Variants in TRIM44 observed in about 807,000 individuals in gnomAD.
TRIM44 encodes tripartite motif-containing protein 44.
A neutral mutation model predicts 37.4 loss-of-function variants in TRIM44; 13 were observed. The observed-to-expected ratio is 0.35, with a 90% CI of 0.23 to 0.55. The LOEUF (loss-of-function observed/expected upper bound fraction) is 0.55, where lower values mean the gene tolerates loss of function less well. Ranked by LOEUF, TRIM44 falls within the 20% of genes least tolerant of loss-of-function variation. The pLI is 0.89. For missense variants in TRIM44, 426 were observed against 437.2 expected (o/e 0.97, Z 0.23); for synonymous variants, 175 against 157.2 (o/e 1.11, Z -0.85).
chr11:35,731,404 A>G (rs1852257499), intron 3 of TRIM44, among the ~76,000 whole-genome samples: 1 of 152,138 alleles, frequency 6.6e-6, no homozygotes, highest in Admixed American at 6.5e-5. Flanking sequence ...ACAATATTAA[A>G]CTAACCTTGC....
chr11:35,711,830 T>G (rs1258150869), intron 2 of TRIM44, among the ~76,000 whole-genome samples: 1 of 152,108 alleles, frequency 6.6e-6, no homozygotes, highest in Non-Finnish European at 1.5e-5. Context: ...AACCCTTACT[T>G]CCAGCAGAAG....
intron 2 of TRIM44, among the ~76,000 whole-genome samples, chr11:35,696,468 C>T (rs1851700024): frequency 6.6e-6 from 1 of 151,796 alleles, no homozygotes; most frequent in African/African-American, 2.4e-5. Flanking sequence ...AAGCTAAAAC[C>T]TTTACTCACT....
intron 4 of TRIM44, among the ~76,000 whole-genome samples, chr11:35,794,490 A>G (rs1204751098): frequency 1.3e-5 from 2 of 152,196 alleles, no homozygotes; most frequent in Admixed American, 1.3e-4. Context: ...TTGTCACTGT[A>G]ACAGTATTCC....
At chr11:35,668,378 A>G (rs940473078) in intron 1 of TRIM44, among the ~76,000 whole-genome samples, 4 of 152,062 alleles carry the variant, frequency 2.6e-5, no homozygotes, top group South Asian at 2.1e-4. Flanking sequence ...CCCCCTATCC[A>G]CTGACAGGCT....
At chr11:35,759,951 A>C (rs966632918) in intron 4 of TRIM44, among the ~76,000 whole-genome samples, 1 of 152,142 alleles carries the variant, frequency 6.6e-6, no homozygotes, top group Non-Finnish European at 1.5e-5. Flanking sequence ...TCAGGGACCC[A>C]CTTGAGGCAG....
At chr11:35,714,324 C>G (rs1029284066) in intron 2 of TRIM44, among the ~76,000 whole-genome samples, 1 of 152,104 alleles carries the variant, frequency 6.6e-6, no homozygotes, top group Non-Finnish European at 1.5e-5. Context: ...AGAAAAATAT[C>G]TATGAGAATG....
At chr11:35,695,778 C>T (rs1851689137) in intron 2 of TRIM44, among the ~76,000 whole-genome samples, 1 of 151,850 alleles carries the variant, frequency 6.6e-6, no homozygotes, top group African/African-American at 2.4e-5. Context: ...ATAATAACCA[C>T]AGTTATGATT....
intron 4 of TRIM44, among the ~76,000 whole-genome samples, chr11:35,741,698 C>G (rs1852398654): frequency 6.6e-6 from 1 of 152,108 alleles, no homozygotes; most frequent in African/African-American, 2.4e-5. Flanking sequence ...TATATTTGGC[C>G]TCGGAACTTA....
intron 3 of TRIM44, among the ~76,000 whole-genome samples, chr11:35,727,215 A>G (rs891525053): frequency 2.0e-5 from 3 of 152,092 alleles, no homozygotes; most frequent in African/African-American, 7.2e-5. Flanking sequence ...GGCTACTATT[A>G]ATCAGATTTC....
Position 35,806,763 on chromosome 11 carries a change from C to T in TRIM44, c.*378C>T, listed in dbSNP as rs1853457117. The T allele has an allele frequency of 1.1e-5, 2 of 187,124 alleles. No individual in the cohort carries two copies. Among genetic ancestry groups the T allele is most frequent in the African/African-American group, 2.3e-5 (1 of 42,712 alleles). 11.6% of individuals were successfully genotyped at this position (187,124 alleles called of 1,614,324 possible). ...ATCTGGAATAATCTTGAAGGGAAGT[C>T]AGAGTTTTCTCCCTGCCTATTAACA... On this transcript the variant is annotated 3_prime_UTR_variant, in exon 5 of 5. Transcript: ENST00000299413.
intron 2 of TRIM44, among the ~76,000 whole-genome samples, chr11:35,712,840 A>G (rs1485951580): frequency 2.6e-5 from 4 of 152,126 alleles, no homozygotes; most frequent in African/African-American, 9.7e-5. Context: ...CCTAGATATA[A>G]AACTTTATTG....
intron 2 of TRIM44, among the ~76,000 whole-genome samples, chr11:35,718,249 A>G (rs1320268223): frequency 6.6e-6 from 1 of 152,120 alleles, no homozygotes; most frequent in Non-Finnish European, 1.5e-5. Flanking sequence ...TATAAGGTTT[A>G]AGCAGAATTA....
At chr11:35,729,473 C>T (rs958293788) in intron 3 of TRIM44, among the ~76,000 whole-genome samples, 3 of 152,080 alleles carry the variant, frequency 2.0e-5, no homozygotes, top group African/African-American at 7.2e-5. Flanking sequence ...AGTACCTCTT[C>T]GTTTTGGAGA....
chr11:35,669,093 G>T (rs985653788), intron 1 of TRIM44, among the ~76,000 whole-genome samples: 2 of 152,088 alleles, frequency 1.3e-5, no homozygotes, highest in African/African-American at 4.8e-5. Flanking sequence ...GCTGGGTTCT[G>T]TGTAGCTGTG....
chr11:35,756,361 C>T (rs1462034745), intron 4 of TRIM44, among the ~76,000 whole-genome samples: 1 of 152,074 alleles, frequency 6.6e-6, no homozygotes, highest in Non-Finnish European at 1.5e-5. Context: ...ATTTTGTATC[C>T]TGAGACTTTG....
At chr11:35,774,663 TC>T (rs1852926604) in intron 4 of TRIM44, among the ~76,000 whole-genome samples, 1 of 152,222 alleles carries the variant, frequency 6.6e-6, no homozygotes, top group Non-Finnish European at 1.5e-5. Context: ...AAGGAAGGGA[TC>T]CAGCTTCAGC....
intron 4 of TRIM44, among the ~76,000 whole-genome samples, chr11:35,773,214 C>G (rs1023061339): frequency 6.6e-6 from 1 of 152,166 alleles, no homozygotes; most frequent in Non-Finnish European, 1.5e-5. Flanking sequence ...AATTAAACCT[C>G]TTTTTCTTGC....
At chr11:35,800,371 G>T (rs893152709) in intron 4 of TRIM44, among the ~76,000 whole-genome samples, 7 of 152,220 alleles carry the variant, frequency 4.6e-5, no homozygotes, top group Non-Finnish European at 8.8e-5. Context: ...CAGGTGGCCA[G>T]CTTTTATTCC....
At chr11:35,668,980 A>G (rs920344068) in intron 1 of TRIM44, among the ~76,000 whole-genome samples, 5 of 152,042 alleles carry the variant, frequency 3.3e-5, no homozygotes, top group East Asian at 1.9e-4. Flanking sequence ...AGGCATATTG[A>G]TTGATAATCT....
Sources: gnomAD v4.1 joint callset for allele counts (sites outside exome capture counted in the v4.1 genomes callset) on GRCh38, gnomAD v4.1.1 for gene constraint, MANE v1.5 for transcripts, NCBI Gene and HGNC (gene_info 2026-07-23, HGNC 2026-07-21) for gene names.